The following DLG2 variants were observed in gnomAD, a reference collection of about 807,000 sequenced individuals.
The protein encoded by DLG2 is disks large homolog 2.
Under a neutral mutation model 132.5 loss-of-function variants are expected in DLG2, and 45 were observed. The observed-to-expected ratio is 0.34, with a 90% CI of 0.27 to 0.44. DLG2 has a LOEUF of 0.44. Ranked by LOEUF, DLG2 falls within the 20% of genes least tolerant of loss-of-function variation. The pLI is 1.00. For missense variants in DLG2, 1,045 were observed against 1,196.9 expected (o/e 0.87, Z 1.87); for synonymous variants, 424 against 419.6 (o/e 1.01, Z -0.13).
chr11:83,992,547 T>A (rs924855981), intron 11 of DLG2, among the ~76,000 whole-genome samples: 12 of 152,138 alleles, frequency 7.9e-5, no homozygotes, highest in African/African-American at 2.7e-4. Context: ...CATGGCTTAG[T>A]TGAGAAACTC....
chr11:84,800,637 T>C (rs2075251373), intron 6 of DLG2: 1 of 152,168 alleles, frequency 6.6e-6, no homozygotes, highest in Non-Finnish European at 1.5e-5. Context: ...ATCATATTTT[T>C]CTATCACCTT....
rs1591169530 is a variant in DLG2 at position 83,458,718 on chromosome 11, T to C, written c.*1100A>G. The C allele has an allele frequency of 6.6e-6, 1 of 152,244 alleles. No individual in the cohort carries two copies. 9.4% of individuals were successfully genotyped at this position (152,244 alleles called of 1,614,324 possible). On this transcript the variant is annotated 3_prime_UTR_variant, in exon 28 of 28. Transcript: ENST00000376104. Reference sequence around the variant, plus strand: ...CAACTATTTGCATGGCAGGCTCAGGTTATTTAACTAGAGGAAAGCAAAAAC... The same window carrying C: ...CAACTATTTGCATGGCAGGCTCAGGCTATTTAACTAGAGGAAAGCAAAAAC...
intron 7 of DLG2, among the ~76,000 whole-genome samples, chr11:84,313,649 G>GAAAGA (rs1555500610): frequency 7.9e-6 from 1 of 126,032 alleles, no homozygotes; most frequent in Non-Finnish European, 1.8e-5. Flanking sequence ...GAAAAAGAAA[G>GAAAGA]AAAGAAAGAA....
At chr11:83,927,225 CTG>C (rs2079139722) in intron 15 of DLG2, among the ~76,000 whole-genome samples, 1 of 152,132 alleles carries the variant, frequency 6.6e-6, no homozygotes, top group South Asian at 2.1e-4. Flanking sequence ...ACTGTACTAA[CTG>C]TTAGGAATAT....
intron 5 of DLG2, among the ~76,000 whole-genome samples, chr11:85,141,375 A>C (rs2076462780): frequency 2.0e-5 from 3 of 151,846 alleles, no homozygotes; most frequent in Admixed American, 1.3e-4. Flanking sequence ...CTTTTGAGAA[A>C]TCTCTGTTCA....
chr11:84,008,687 T>A (rs1204524170), intron 11 of DLG2, among the ~76,000 whole-genome samples: 1 of 151,820 alleles, frequency 6.6e-6, no homozygotes, highest in Non-Finnish European at 1.5e-5. Flanking sequence ...TGAAGTCAGG[T>A]GAATTCATAC....
chr11:83,849,438 C>T (rs534808869), intron 16 of DLG2, among the ~76,000 whole-genome samples: 6 of 151,260 alleles, frequency 4.0e-5, no homozygotes, highest in East Asian at 1.9e-4. Context: ...TTATTATGAC[C>T]GACTTGGTCC....
intron 6 of DLG2, among the ~76,000 whole-genome samples, chr11:84,781,432 T>C (rs1192986599): frequency 6.6e-6 from 1 of 152,060 alleles, no homozygotes; most frequent in Non-Finnish European, 1.5e-5. Flanking sequence ...TTTCATTCAT[T>C]AATCAAATAT....
At chr11:84,581,393 T>C (rs2099515906) in intron 6 of DLG2, among the ~76,000 whole-genome samples, 1 of 152,168 alleles carries the variant, frequency 6.6e-6, no homozygotes, top group Admixed American at 6.5e-5. Flanking sequence ...TTGTGATTAT[T>C]CCTCCAGCAT....
At chr11:84,567,499 T>C (rs1029638901) in intron 6 of DLG2, among the ~76,000 whole-genome samples, 3 of 152,220 alleles carry the variant, frequency 2.0e-5, no homozygotes, top group African/African-American at 7.2e-5. Flanking sequence ...AGTTCAAGTA[T>C]AACATCCTCT....
chr11:83,770,823 A>G (rs73511068), intron 18 of DLG2, among the ~76,000 whole-genome samples: 1,950 of 152,338 alleles, frequency 0.013, 41 homozygotes, highest in African/African-American at 0.044. Flanking sequence ...TGTATCCTTA[A>G]TATTTCAACA....
chr11:84,169,474 C>T (rs1410916011), intron 8 of DLG2, among the ~76,000 whole-genome samples: 2 of 152,302 alleles, frequency 1.3e-5, no homozygotes, highest in Admixed American at 6.5e-5. Flanking sequence ...CACTAAAAGG[C>T]TTTCCTAACT....
chr11:85,157,699 C>T (rs1273881322), intron 4 of DLG2, among the ~76,000 whole-genome samples: 1 of 152,100 alleles, frequency 6.6e-6, no homozygotes, highest in Non-Finnish European at 1.5e-5. Flanking sequence ...GTCTTATCTC[C>T]TGTAGAGAAA....
chr11:84,411,493 T>C (rs1235279876), intron 7 of DLG2, among the ~76,000 whole-genome samples: 4 of 152,046 alleles, frequency 2.6e-5, no homozygotes, highest in Non-Finnish European at 5.9e-5. Context: ...ACTGATTTAA[T>C]TAACTATAAT....
chr11:83,968,325 G>A (rs1036728361), intron 12 of DLG2, among the ~76,000 whole-genome samples: 3 of 152,162 alleles, frequency 2.0e-5, no homozygotes, highest in African/African-American at 4.8e-5. Context: ...TGACTGATGT[G>A]TTTGAATGCT....
chr11:84,447,862 G>A (rs1389984780), intron 7 of DLG2, among the ~76,000 whole-genome samples: 2 of 152,012 alleles, frequency 1.3e-5, no homozygotes, highest in Non-Finnish European at 2.9e-5. Flanking sequence ...ACTGATAATG[G>A]CAGTAACTAT....
chr11:85,348,325 T>C (rs1344509097), intron 3 of DLG2, among the ~76,000 whole-genome samples: 1 of 151,392 alleles, frequency 6.6e-6, no homozygotes, highest in East Asian at 1.9e-4. Flanking sequence ...CAGGTTCAAG[T>C]GATTCTTCAG....
chr11:84,554,333 G>A (rs114145316), intron 6 of DLG2, among the ~76,000 whole-genome samples: 2,024 of 152,242 alleles, frequency 0.013, 54 homozygotes, highest in African/African-American at 0.047. Context: ...AGGGCAGAAC[G>A]ACTACCAGTT....
chr11:84,454,249 G>A (rs1319887912), intron 7 of DLG2, among the ~76,000 whole-genome samples: 1 of 151,438 alleles, frequency 6.6e-6, no homozygotes, highest in Non-Finnish European at 1.5e-5. Context: ...GGAAGAAGAA[G>A]GCAAAAATTT....
Sources: allele counts gnomAD v4.1 joint callset (sites outside exome capture counted in the v4.1 genomes callset), GRCh38; gene constraint gnomAD v4.1.1; transcripts MANE v1.5; gene names NCBI Gene and HGNC (gene_info 2026-07-23, HGNC 2026-07-21).